CYRIB: variants seen among roughly 807,000 people sequenced by gnomAD.
CYRIB encodes CYFIP related Rac1 interactor B, also known as CYFIP-related Rac1 interactor B.
In CYRIB, 8 loss-of-function variants were observed where a neutral mutation model predicts 44.2. The observed-to-expected ratio is 0.18, with a 90% CI of 0.11 to 0.33. The LOEUF (loss-of-function observed/expected upper bound fraction) is 0.33. Among genes scored for constraint, CYRIB ranks in the 10% least tolerant of loss-of-function variants. The pLI, the probability that CYRIB is intolerant of heterozygous loss-of-function variation, is 1.00. For synonymous variants in CYRIB, 131 were observed against 127.2 expected, an observed-to-expected ratio of 1.03 and a Z score of -0.20; for missense variants, 185 against 382.8, an observed-to-expected ratio of 0.48 and a Z score of 4.31.
intron 1 of CYRIB, among the ~76,000 whole-genome samples, chr8:129,938,062 G>C (rs1383876087): frequency 1.3e-5 from 2 of 152,078 alleles, no homozygotes; most frequent in Non-Finnish European, 2.9e-5. Context: ...ATGATATGCA[G>C]GTAGGTGTAC....
intron 11 of CYRIB, chr8:129,843,930 G>A (rs760512578): frequency 2.6e-5 from 4 of 151,976 alleles, no homozygotes; most frequent in Non-Finnish European, 5.9e-5. Flanking sequence ...AAATACTTGC[G>A]GAAGGAAGAC....
At chr8:129,907,109 C>T (rs904440627) in intron 1 of CYRIB, among the ~76,000 whole-genome samples, 2 of 152,266 alleles carry the variant, frequency 1.3e-5, no homozygotes, top group South Asian at 2.1e-4. Context: ...GGTATATACC[C>T]AAAGGATTAC....
At chr8:130,006,414 G>C (rs1026292669) in intron 1 of CYRIB, among the ~76,000 whole-genome samples, 1 of 149,220 alleles carries the variant, frequency 6.7e-6, no homozygotes, top group African/African-American at 2.5e-5. Context: ...CCAGGAGAGT[G>C]AGTCCAGCTT....
chr8:129,978,617 C>G (rs879571511), intron 1 of CYRIB, among the ~76,000 whole-genome samples: 4 of 152,168 alleles, frequency 2.6e-5, no homozygotes, highest in Non-Finnish European at 5.9e-5. Context: ...AGAACATGTC[C>G]TTTTATATTA....
At chr8:129,891,063 C>T (rs1158300800) in intron 2 of CYRIB, among the ~76,000 whole-genome samples, 3 of 152,178 alleles carry the variant, frequency 2.0e-5, no homozygotes, top group African/African-American at 7.2e-5. Context: ...GGGTTCCAAG[C>T]TCTAGCTTCT....
At chr8:129,996,822 G>A (rs755872559) in intron 1 of CYRIB, among the ~76,000 whole-genome samples, 5 of 151,900 alleles carry the variant, frequency 3.3e-5, no homozygotes, top group Non-Finnish European at 7.4e-5. Flanking sequence ...TTTTTTTTAA[G>A]ATACCCTGAA....
intron 1 of CYRIB, among the ~76,000 whole-genome samples, chr8:130,000,430 C>A (rs995367959): frequency 2.0e-5 from 3 of 152,032 alleles, no homozygotes; most frequent in Non-Finnish European, 4.4e-5. Flanking sequence ...CAGGGGCTCA[C>A]GTCTGTGATA....
At chr8:129,943,590 A>AT (rs1407931113), upstream of CYRIB, among the ~76,000 whole-genome samples, 4 of 131,654 alleles carry the variant, frequency 3.0e-5, no homozygotes, top group Non-Finnish European at 6.3e-5. Flanking sequence ...GTGAGACTCC[A>AT]TCTTTTTTTT....
chr8:129,985,729 T>G (rs556894705), intron 1 of CYRIB, among the ~76,000 whole-genome samples: 18 of 152,272 alleles, frequency 1.2e-4, no homozygotes, highest in African/African-American at 4.3e-4. Flanking sequence ...CAGCAGGTCC[T>G]GAACAACCAC....
At chr8:129,998,198 G>A (rs2096826464) in intron 1 of CYRIB, among the ~76,000 whole-genome samples, 1 of 151,404 alleles carries the variant, frequency 6.6e-6, no homozygotes, top group Non-Finnish European at 1.5e-5. Context: ...GCTCATCGCA[G>A]GACCTCAGTG....
chr8:129,906,402 T>G (rs1404624493), intron 1 of CYRIB, among the ~76,000 whole-genome samples: 2 of 152,190 alleles, frequency 1.3e-5, no homozygotes, highest in Non-Finnish European at 2.9e-5. Context: ...TAGCCATATG[T>G]AGAAAGCTGA....
intron 2 of CYRIB, 169 bp from the exon 5 acceptor site, chr8:129,879,640 T>G: frequency 1.7e-6 from 1 of 582,816 alleles, no homozygotes; most frequent in Non-Finnish European, 3.0e-6. Flanking sequence ...TCTCAAGGTG[T>G]TGATATGTAG....
At chr8:129,984,825 A>T (rs2096389881) in intron 1 of CYRIB, among the ~76,000 whole-genome samples, 1 of 151,976 alleles carries the variant, frequency 6.6e-6, no homozygotes, top group South Asian at 2.1e-4. Context: ...CCCAGGCTGG[A>T]GTGCAATGGC....
intron 2 of CYRIB, chr8:129,947,780 G>C (rs2094254002): frequency 6.6e-6 from 1 of 152,134 alleles, no homozygotes; most frequent in African/African-American, 2.4e-5. Flanking sequence ...TTATTAAAAT[G>C]GTTCATTTAC....
chr8:129,866,774 G>C (rs2053869345), intron 4 of CYRIB, among the ~76,000 whole-genome samples: 1 of 152,110 alleles, frequency 6.6e-6, no homozygotes, highest in Non-Finnish European at 1.5e-5. Flanking sequence ...CCATTTCCCT[G>C]CCCCTGCCTT....
intron 4 of CYRIB, among the ~76,000 whole-genome samples, chr8:129,871,143 C>G (rs899602086): frequency 6.6e-6 from 1 of 152,044 alleles, no homozygotes; most frequent in Non-Finnish European, 1.5e-5. Context: ...TAAGAGCAAC[C>G]CAAAAAGTAA....
At chr8:129,925,668 A>C (rs1255840634) in intron 1 of CYRIB, among the ~76,000 whole-genome samples, 1 of 152,234 alleles carries the variant, frequency 6.6e-6, no homozygotes, top group East Asian at 1.9e-4. Flanking sequence ...TCTACACAGC[A>C]ACCTTGCTTT....
At chr8:129,952,322 A>G (rs2094545577) in intron 2 of CYRIB, among the ~76,000 whole-genome samples, 1 of 152,198 alleles carries the variant, frequency 6.6e-6, no homozygotes, top group Non-Finnish European at 1.5e-5. Flanking sequence ...CAGCCTCCCA[A>G]AGTGCTGGGA....
chr8:129,889,737 T>C (rs1208181893), intron 2 of CYRIB, among the ~76,000 whole-genome samples: 2 of 151,868 alleles, frequency 1.3e-5, no homozygotes, highest in Admixed American at 1.3e-4. Flanking sequence ...AATCTTATGA[T>C]AAAAACTTGA....
Sources: allele counts gnomAD v4.1 joint callset (sites outside exome capture counted in the v4.1 genomes callset), GRCh38; gene constraint gnomAD v4.1.1; transcripts MANE v1.5; gene names NCBI Gene and HGNC (gene_info 2026-07-23, HGNC 2026-07-21).